Variants in AKNAD1 observed in about 807,000 individuals in gnomAD.
The protein encoded by AKNAD1 is protein AKNAD1.
In AKNAD1, 67 loss-of-function variants were observed where a neutral mutation model predicts 90.8. That is an observed-to-expected ratio of 0.74 (90% CI 0.61 to 0.90). AKNAD1 has a LOEUF of 0.90. Among genes scored for constraint, AKNAD1 ranks in the 40% least tolerant of loss-of-function variants. AKNAD1 has a pLI of 0.00. For missense variants in AKNAD1, 957 were observed against 975.4 expected (o/e 0.98, Z 0.25); for synonymous variants, 327 against 341.4 (o/e 0.96, Z 0.46).
At chr1:108,836,448 C>T (rs1324886896) in intron 7 of AKNAD1, among the ~76,000 whole-genome samples, 5 of 128,632 alleles carry the variant, frequency 3.9e-5, no homozygotes, top group East Asian at 2.4e-4. Flanking sequence ...ACACAGAGGC[C>T]GGGGCCAAGA....
At chr1:108,823,295 A>T (rs2101163106) in intron 13 of AKNAD1, 75 bp downstream of exon 13, 1 of 1,156,124 alleles carries the variant, frequency 8.6e-7, no homozygotes, top group African/African-American at 1.5e-5. Context: ...AGCAGTGGCC[A>T]GTGTCATGTG....
chr1:108,844,454 A>G (rs1379490080), intron 5 of AKNAD1, among the ~76,000 whole-genome samples: 2 of 152,016 alleles, frequency 1.3e-5, no homozygotes, highest in Non-Finnish European at 2.9e-5. Flanking sequence ...ATATAGATAG[A>G]TAGAGAGAGA....
chr1:108,823,426 T>C lies in AKNAD1; in HGVS notation c.2111A>G (p.Lys704Arg). The C allele has an allele frequency of 6.2e-7, 1 of 1,614,202 alleles. No individual in the cohort carries two copies. The highest frequency in any genetic ancestry group is 8.5e-7 in the Non-Finnish European group (1 of 1,180,018). ...ATGGGGCTGGACAAAGGCACCTCTT[T>C]TGCTATGATTTGAGTAATTCTGTCC... ...TPGQNYSNHSKRGAFVQPHSL... is the reference protein window; with the variant it reads ...TPGQNYSNHSRRGAFVQPHSL... The change falls in exon 13 of 16, where the codon AAA becomes AGA. Residue 704 changes from lysine (K) to arginine (R), a missense_variant. Physicochemically the swap from Lys to Arg is conservative, Grantham distance 26 (BLOSUM62 2). Coordinates refer to ENST00000370001, the MANE Select transcript of AKNAD1 (RefSeq NM_152763.5).
At chr1:108,848,510 G>C (rs1412755120) in intron 5 of AKNAD1, among the ~76,000 whole-genome samples, 1 of 152,124 alleles carries the variant, frequency 6.6e-6, no homozygotes, top group Non-Finnish European at 1.5e-5. Flanking sequence ...GATTAATTAT[G>C]AGTAACCTGG....
chr1:108,852,494 C>T lies in AKNAD1; in HGVS notation c.171G>A (p.Lys57=), dbSNP rs753280200. ...IIFIADDPQE[K]AMHSETCGNT... is the part of the protein sequence containing the mutation. ...TTCCACAAGTCTCACTATGCATAGC[C>T]TTCTCTTGAGGGTCATCTGCTATGA... The change falls in exon 2 of 16, where the codon AAG becomes AAA. Residue 57 remains lysine, a synonymous_variant. Coordinates refer to ENST00000370001, the MANE Select transcript of AKNAD1 (RefSeq NM_152763.5). 22 of 1,613,932 alleles carry T rather than the reference C, an allele frequency of 1.4e-5. No individual in the cohort carries two copies. Among genetic ancestry groups the T allele is most frequent in the Non-Finnish European group, 1.8e-5 (21 of 1,179,968 alleles).
At chr1:108,833,705 T>C (rs1315567528) in intron 9 of AKNAD1, among the ~76,000 whole-genome samples, 2 of 151,398 alleles carry the variant, frequency 1.3e-5, no homozygotes, top group African/African-American at 4.9e-5. Context: ...AAGGGTTTTT[T>C]CATCCATTTT....
chr1:108,852,654 G>T lies in AKNAD1; in HGVS notation c.11C>A (p.Ala4Asp). ...ATAAGTCGTGTGTTCTGAAAAATCA[G>T]CCTCATCCATGTGTGTGCAGCCCGA... MDE[A>D]DFSEHTTYKQ... The change falls in exon 2 of 16, where the codon GCT becomes GAT. Residue 4 changes from alanine (A) to aspartate (D), a missense_variant. Transcript: ENST00000370001. The T allele has an allele frequency of 6.3e-7, 1 of 1,580,226 alleles. No individual in the cohort carries two copies.
At chr1:108,840,449 C>T (rs1340690537) in intron 6 of AKNAD1, among the ~76,000 whole-genome samples, 1 of 152,086 alleles carries the variant, frequency 6.6e-6, no homozygotes, top group Non-Finnish European at 1.5e-5. Context: ...CAGTTCTTCC[C>T]AATCTAACCT....
At chr1:108,846,347 G>A (rs1039600499) in intron 5 of AKNAD1, among the ~76,000 whole-genome samples, 13 of 152,136 alleles carry the variant, frequency 8.5e-5, no homozygotes, top group African/African-American at 2.2e-4. Context: ...CCAGGCTTCC[G>A]AAGGCTCCTG....
intron 5 of AKNAD1, among the ~76,000 whole-genome samples, chr1:108,846,908 A>C (rs964077040): frequency 2.6e-5 from 4 of 151,748 alleles, no homozygotes; most frequent in Non-Finnish European, 5.9e-5. Flanking sequence ...GGGATCCTCT[A>C]CTTTTATTCC....
chr1:108,840,711 G>A (rs1391833302), intron 6 of AKNAD1, among the ~76,000 whole-genome samples: 5 of 152,160 alleles, frequency 3.3e-5, no homozygotes, highest in African/African-American at 9.7e-5. Flanking sequence ...TCTGATATAA[G>A]GGGCTTTTTC....
intron 10 of AKNAD1, among the ~76,000 whole-genome samples, chr1:108,829,815 T>C (rs1294547281): frequency 6.6e-6 from 1 of 152,192 alleles, no homozygotes; most frequent in Non-Finnish European, 1.5e-5. Flanking sequence ...CTTCCAAAGG[T>C]CAATGAGCCG....
rs751167460 is a variant in AKNAD1 at position 108,843,207 on chromosome 1, C to G, written c.1306G>C (p.Asp436His). 1 of 1,614,076 alleles carries G rather than the reference C, an allele frequency of 6.2e-7. No homozygotes were observed. Among genetic ancestry groups the G allele is most frequent in the Non-Finnish European group, 8.5e-7 (1 of 1,180,032 alleles). Residue 436 changes from aspartate to histidine, a missense_variant, in exon 6 of 16, where the codon GAC (aspartate) becomes CAC (histidine). By Grantham distance (81) the Asp-to-His change is moderately conservative. Transcript: ENST00000370001. ...LLEQNFLATK[D>H]KHLTLQQQVH... The stretch of plus-strand genomic sequence containing the variant: ...TGCTGCTGCAAAGTCAGATGCTTGT[C>G]CTTGGTGGCCAGAAAGTTCTGCTCC...
rs977927762 is a variant in AKNAD1 at position 108,822,417 on chromosome 1, A to G, written c.2167+953T>C. 2.0e-5 allele frequency among the ~76,000 whole-genome samples: 3 copies of G among 152,214 alleles called. No homozygotes were observed. The East Asian group carries it at 5.8e-4, about 29-fold the overall frequency. Reference sequence around the variant, plus strand: ...TTCGTATACTGGCATGACAAGTGTCACAGGCTGTAGACCTCAAAACCAAGG... The same window carrying G: ...TTCGTATACTGGCATGACAAGTGTCGCAGGCTGTAGACCTCAAAACCAAGG... On this transcript the variant is annotated intron_variant, in intron 13 of 15. Coordinates refer to ENST00000370001, the MANE Select transcript of AKNAD1 (RefSeq NM_152763.5).
rs759552426 is a variant in AKNAD1 at position 108,850,010 on chromosome 1, C to T, written c.994-434G>A. On this transcript the variant is annotated intron_variant, in intron 2 of 15. Transcript: ENST00000370001. ...TAGGGACCATGGCTGGTCTTGTCACCAGCTCTGTTGCTGGTGCTGTCACTA... is the reference window on the plus strand; with the variant it reads ...TAGGGACCATGGCTGGTCTTGTCACTAGCTCTGTTGCTGGTGCTGTCACTA... Among the ~76,000 whole-genome samples the T allele has an allele frequency of 4.1e-4, 63 of 152,150 alleles. 1 individual carries two copies. Among genetic ancestry groups the T allele is most frequent in the Non-Finnish European group, 1.5e-4 (10 of 68,030 alleles).
rs147307662 is a variant in AKNAD1, at chr1:108,835,019, C to T, written c.1574G>A (p.Arg525Gln). 3.4e-5 allele frequency: 54 copies of T among 1,569,386 alleles called. No homozygotes were observed. In the African/African-American group the frequency reaches 5.6e-4, roughly 16 times the overall value. ...TGTTACCTCACTCCCACCTGAGCCT[C>T]GAGGCCCAGAAGGGTGGCCGGGGTG... ...KEHPGHPSGP[R>Q]GSGGSEVTGT... The change falls in exon 8 of 16, where the codon CGA (arginine) becomes CAA (glutamine). Residue 525 changes from arginine to glutamine, a missense_variant. Transcript: ENST00000370001.
At chr1:108,848,129 T>G (rs142069280) in intron 5 of AKNAD1, among the ~76,000 whole-genome samples, 1 of 152,278 alleles carries the variant, frequency 6.6e-6, no homozygotes, top group Non-Finnish European at 1.5e-5. Flanking sequence ...ACCTTATCCC[T>G]TGTTGATGAG....
Position 108,823,373 on chromosome 1 carries a change from G to A in AKNAD1, c.2164C>T (p.Pro722Ser), listed in dbSNP as rs1202804445. The A allele has an allele frequency of 1.2e-6, 2 of 1,609,046 alleles. No individual in the cohort carries two copies. Among genetic ancestry groups the A allele is most frequent in the South Asian group, 1.1e-5 (1 of 91,008 alleles). ...HSLDESKNSS[P>S]SFLKPKRICS... ...GTCATGCAGGAGATGTACTTACAGG[G>A]TGAAGAGTTTTTACTTTCATCTAAA... Residue 722 changes from proline (P) to serine (S), a missense_variant, in exon 13 of 16, where the codon CCC (proline) becomes TCC (serine). By Grantham distance (74) the Pro-to-Ser change is moderately conservative (BLOSUM62 -1). Transcript: ENST00000370001.
chr1:108,855,408 T>C (rs1665002354), intron 1 of AKNAD1, among the ~76,000 whole-genome samples: 1 of 150,596 alleles, frequency 6.6e-6, no homozygotes, highest in African/African-American at 2.4e-5. Flanking sequence ...TGAAACTCCG[T>C]CTCAAAACAA....
Sources: allele counts gnomAD v4.1 joint callset (sites outside exome capture counted in the v4.1 genomes callset), GRCh38; gene constraint gnomAD v4.1.1; transcripts MANE v1.5; gene names NCBI Gene and HGNC (gene_info 2026-07-23, HGNC 2026-07-21).